Variants in CFAP54 observed in about 807,000 individuals in gnomAD.
The protein encoded by CFAP54 is cilia- and flagella-associated protein 54.
CFAP54 carries 290 observed loss-of-function variants against 370.4 expected under a neutral mutation model. The ratio of observed to expected loss-of-function variants is 0.78; its 90% CI spans 0.71 to 0.86. The LOEUF (loss-of-function observed/expected upper bound fraction) is 0.86. CFAP54 is among the 40% of genes least tolerant of loss of function. The probability of loss-of-function intolerance (pLI) is 0.00; values close to 1 mark genes in which losing one functional copy is unlikely to be tolerated. For synonymous variants in CFAP54, 1,206 were observed against 1,236.5 expected (o/e 0.98, Z 0.52); for missense variants, 3,399 against 3,528.7 (o/e 0.96, Z 0.93).
At chr12:96,807,711 A>C (rs1958896151) in intron 63 of CFAP54, among the ~76,000 whole-genome samples, 1 of 152,206 alleles carries the variant, frequency 6.6e-6, no homozygotes, top group Non-Finnish European at 1.5e-5. Flanking sequence ...TTAGTGGATT[A>C]GGCAAATACT....
At chr12:96,826,774 A>T (rs1347164346) in intron 65 of CFAP54, among the ~76,000 whole-genome samples, 2 of 112,154 alleles carry the variant, frequency 1.8e-5, no homozygotes, top group Admixed American at 2.3e-4. Context: ...TATATTATAT[A>T]ATATATAATT....
intron 64 of CFAP54, among the ~76,000 whole-genome samples, chr12:96,814,483 T>A (rs1044934468): frequency 6.6e-6 from 1 of 152,198 alleles, no homozygotes; most frequent in African/African-American, 2.4e-5. Context: ...CACCTCCTCA[T>A]CTTCTTTTCT....
At position 96,859,902 on chromosome 12, in the gene CFAP54, G is replaced by A. The variant is rs148361416; in HGVS notation, c.9172-917G>A. ...ATTGATTATATTAGGATTGATCAAG[G>A]AAGGGAGAGATTATTAATTTTTTAT... is the stretch of plus-strand genomic sequence containing the variant. On this transcript the variant is annotated intron_variant, in intron 66 of 67. Transcript: ENST00000524981. Among the ~76,000 whole-genome samples the A allele has an allele frequency of 9.4e-3, 1,429 of 152,222 alleles. 12 individuals are homozygous for A. Among genetic ancestry groups the A allele is most frequent in the Non-Finnish European group, 0.015 (1,007 of 68,010 alleles).
intron 36 of CFAP54, among the ~76,000 whole-genome samples, chr12:96,656,349 A>G (rs1157300673): frequency 6.7e-6 from 1 of 149,160 alleles, no homozygotes; most frequent in Non-Finnish European, 1.5e-5. Context: ...ATGGGTGCTG[A>G]ACAAGGCAAT....
intron 9 of CFAP54, among the ~76,000 whole-genome samples, chr12:96,532,629 C>CT (rs1002884007): frequency 6.6e-6 from 1 of 150,746 alleles, no homozygotes; most frequent in Non-Finnish European, 1.5e-5. Flanking sequence ...ATACCGTGCC[C>CT]TTTTTTTTTG....
chr12:96,650,076 A>G lies in CFAP54; in HGVS notation c.4872+4A>G. ...TTTATACTGCAGGAGAGCAATGGTA[A>G]TGCAATCTTTCTTGTTTGCAGTGTA... On this transcript the variant is annotated splice_donor_region_variant and intron_variant, in intron 35 of 67. Coordinates refer to ENST00000524981, the MANE Select transcript of CFAP54 (RefSeq NM_001306084.2). The G allele has an allele frequency of 6.2e-7, 1 of 1,601,364 alleles. No homozygotes were observed.
intron 22 of CFAP54, among the ~76,000 whole-genome samples, chr12:96,585,395 C>G (rs980402200): frequency 3.3e-5 from 5 of 152,120 alleles, no homozygotes; most frequent in African/African-American, 1.2e-4. Context: ...TTTACTCTAG[C>G]TGTTCCTTCT....
chr12:96,709,012 T>G (rs762713768), intron 48 of CFAP54, among the ~76,000 whole-genome samples: 3 of 152,232 alleles, frequency 2.0e-5, no homozygotes, highest in Non-Finnish European at 4.4e-5. Flanking sequence ...GCTTTATATA[T>G]AATACACTAT....
At chr12:96,514,176 A>G (rs1955205214) in intron 5 of CFAP54, among the ~76,000 whole-genome samples, 1 of 152,176 alleles carries the variant, frequency 6.6e-6, no homozygotes, top group South Asian at 2.1e-4. Flanking sequence ...TTTATTCTTT[A>G]TTCCATACAG....
intron 66 of CFAP54, among the ~76,000 whole-genome samples, chr12:96,829,606 G>T (rs902944905): frequency 2.6e-5 from 4 of 151,898 alleles, no homozygotes; most frequent in African/African-American, 4.8e-5. Flanking sequence ...GCAGTTGATT[G>T]ATCTTAGTAC....
At chr12:96,837,030 C>T (rs1406000132) in intron 66 of CFAP54, among the ~76,000 whole-genome samples, 1 of 152,140 alleles carries the variant, frequency 6.6e-6, no homozygotes, top group Non-Finnish European at 1.5e-5. Flanking sequence ...TCGTGTTGCC[C>T]AGGCTGGTCT....
intron 63 of CFAP54, among the ~76,000 whole-genome samples, chr12:96,800,025 G>C (rs190320283): frequency 6.6e-6 from 1 of 152,092 alleles, no homozygotes; most frequent in Admixed American, 6.6e-5. Context: ...ATTCGGAGAG[G>C]GTTTGGAAAT....
intron 66 of CFAP54, among the ~76,000 whole-genome samples, chr12:96,843,107 T>C (rs762401497): frequency 9.9e-5 from 15 of 152,220 alleles, no homozygotes; most frequent in Non-Finnish European, 2.2e-4. Context: ...CATGCTTTGA[T>C]TCTAGGCAAC....
At chr12:96,557,738 A>C (rs1955768919) in intron 17 of CFAP54, among the ~76,000 whole-genome samples, 1 of 152,068 alleles carries the variant, frequency 6.6e-6, no homozygotes, top group African/African-American at 2.4e-5. Context: ...ATTCAGTAGG[A>C]TGTTTTAAAT....
intron 14 of CFAP54, 92 bp from the exon 15 acceptor site, chr12:96,547,810 C>T: frequency 1.9e-6 from 1 of 534,486 alleles, no homozygotes; most frequent in Non-Finnish European, 3.2e-6. Flanking sequence ...CTTGCCCTGT[C>T]CTCTTCCTCT....
intron 24 of CFAP54, 95 bp from the exon 25 acceptor site, chr12:96,594,196 A>G (rs1956152600): frequency 2.3e-6 from 2 of 863,946 alleles, no homozygotes; most frequent in Non-Finnish European, 1.6e-6. Context: ...TGTTGTTTTT[A>G]GCCAGAAGGA....
At chr12:96,670,248 G>A (rs531751690) in intron 39 of CFAP54, among the ~76,000 whole-genome samples, 14 of 152,170 alleles carry the variant, frequency 9.2e-5, no homozygotes, top group African/African-American at 2.4e-5. Context: ...TATGCTTTAT[G>A]TTAAGGGCTT....
intron 50 of CFAP54, among the ~76,000 whole-genome samples, chr12:96,737,895 C>G (rs539478825): frequency 6.6e-6 from 1 of 151,992 alleles, no homozygotes; most frequent in Non-Finnish European, 1.5e-5. Flanking sequence ...GCTGAACATA[C>G]ACTGCATCAG....
At chr12:96,591,562 A>C (rs1956124448) in intron 23 of CFAP54, among the ~76,000 whole-genome samples, 1 of 151,952 alleles carries the variant, frequency 6.6e-6, no homozygotes. Context: ...AGGACATAAG[A>C]GCTTATGGGG....
Sources: allele counts gnomAD v4.1 joint callset (sites outside exome capture counted in the v4.1 genomes callset), GRCh38; gene constraint gnomAD v4.1.1; transcripts MANE v1.5; gene names NCBI Gene and HGNC (gene_info 2026-07-23, HGNC 2026-07-21).